Variants in C1D observed in about 807,000 individuals in gnomAD.
C1D encodes nuclear nucleic acid-binding protein C1D.
Under a neutral mutation model 17.5 loss-of-function variants are expected in C1D, and 10 were observed. The ratio of observed to expected loss-of-function variants is 0.57; its 90% confidence interval spans 0.35 to 0.97. C1D has a LOEUF of 0.97. C1D is among the 50% of genes least tolerant of loss of function. C1D has a pLI of 0.01. For missense variants in C1D, 136 were observed against 160.1 expected (o/e 0.85, Z 0.81); for synonymous variants, 49 against 54.0 (o/e 0.91, Z 0.40).
At chr2:68,062,629 G>T (rs752990467) in intron 1 of C1D, among the ~76,000 whole-genome samples, 8 of 152,106 alleles carry the variant, frequency 5.3e-5, no homozygotes, top group East Asian at 1.9e-4. Flanking sequence ...AATGTTTTTT[G>T]ATTTTTGTTT....
In C1D at chr2:68,046,406, T is replaced by A; in HGVS notation, c.143A>T (p.Asp48Val). 1 of 1,608,208 alleles carries A rather than the reference T, an allele frequency of 6.2e-7. No homozygotes were observed. The highest frequency in any genetic ancestry group is 8.5e-7 in the Non-Finnish European group (1 of 1,176,136). The change falls in exon 3 of 5, where the codon GAT (aspartate) becomes GTT (valine). Residue 48 changes from aspartate to valine, a missense_variant. By Grantham distance (152) the Asp-to-Val change is radical (BLOSUM62 -3). Coordinates refer to ENST00000410067, the MANE Select transcript of C1D (RefSeq NM_173177.3). The part of the protein sequence containing the change: ...VSRNELLQKL[D>V]PLEQAKVDLV... The stretch of plus-strand genomic sequence containing the variant: ...ATCCACTTTTGCTTGTTCAAGTGGA[T>A]CCAACTGTTAAAAAAGAAAGAGAGA...
chr2:68,062,087 G>A (rs72821830), intron 1 of C1D, among the ~76,000 whole-genome samples: 2,827 of 152,266 alleles, frequency 0.019, 41 homozygotes, highest in Non-Finnish European at 0.026. Flanking sequence ...AAGGATAAGT[G>A]CCTGAAGGGA....
chr2:68,062,588 ATTGAAAACAGC>A (rs1332175234), intron 1 of C1D, among the ~76,000 whole-genome samples: 1 of 152,230 alleles, frequency 6.6e-6, no homozygotes, highest in Non-Finnish European at 1.5e-5. Flanking sequence ...CCTAAGCAAG[ATTGAAAACAGC>A]TGAAAATTGT....
At chr2:68,049,180 G>A (rs1238659521) in intron 1 of C1D, among the ~76,000 whole-genome samples, 2 of 148,052 alleles carry the variant, frequency 1.4e-5, no homozygotes, top group African/African-American at 2.5e-5. Flanking sequence ...CTGGGCAACA[G>A]AGTTAGACTG....
intron 3 of C1D, 43 bp from the exon 4 acceptor site, chr2:68,046,086 A>G: frequency 7.6e-7 from 1 of 1,313,692 alleles, no homozygotes; most frequent in Non-Finnish European, 1.1e-6. Flanking sequence ...TGAATGTATT[A>G]ATTTAAAACA....
intron 1 of C1D, among the ~76,000 whole-genome samples, chr2:68,060,050 CCA>C: frequency 6.6e-6 from 1 of 152,308 alleles, no homozygotes; most frequent in African/African-American, 2.4e-5. Flanking sequence ...CCTGCCCCTC[CCA>C]CAGTTTTCTA....
chr2:68,059,629 A>G (rs1671562078), intron 1 of C1D, among the ~76,000 whole-genome samples: 1 of 152,172 alleles, frequency 6.6e-6, no homozygotes, highest in Non-Finnish European at 1.5e-5. Context: ...CAAAGGTGTC[A>G]ATCTTCATTT....
intron 4 of C1D, 53 bp from the exon 5 acceptor site, chr2:68,043,106 G>T: frequency 7.5e-7 from 1 of 1,340,796 alleles, no homozygotes; most frequent in Non-Finnish European, 1.0e-6. Flanking sequence ...CGCCACCACT[G>T]AATTTTATTA....
At chr2:68,050,706 C>T (rs972917841) in intron 1 of C1D, among the ~76,000 whole-genome samples, 6 of 152,188 alleles carry the variant, frequency 3.9e-5, no homozygotes, top group African/African-American at 1.4e-4. Context: ...CCCAGGTAAA[C>T]TGAGGGTTTT....
chr2:68,061,402 T>C (rs1003014729), intron 1 of C1D, among the ~76,000 whole-genome samples: 2 of 152,194 alleles, frequency 1.3e-5, no homozygotes, highest in African/African-American at 2.4e-5. Flanking sequence ...TATCCCAAAG[T>C]CTAATAGGAG....
chr2:68,054,210 T>C (rs560272375), intron 1 of C1D, among the ~76,000 whole-genome samples: 3 of 152,306 alleles, frequency 2.0e-5, no homozygotes, highest in South Asian at 2.1e-4. Flanking sequence ...AAAAATTATA[T>C]GGCTACCCTA....
Position 68,058,501 on chromosome 2 carries a change from C to G in C1D, c.-10+4457G>C, listed in dbSNP as rs376981722. ...GCGGGCAGAGAGAGTTCTCACAACT[C>G]TACGACTGGGCACTAATATTAGCTT... On this transcript the variant is annotated intron_variant, in intron 1 of 4. Coordinates refer to ENST00000410067, the MANE Select transcript of C1D (RefSeq NM_173177.3). Among the ~76,000 whole-genome samples, 22 of 152,306 alleles carry G rather than the reference C, an allele frequency of 1.4e-4. No homozygotes were observed. In the East Asian group the frequency reaches 2.9e-3, roughly 20 times the overall value.
At chr2:68,056,136 CT>C (rs1671432149) in intron 1 of C1D, among the ~76,000 whole-genome samples, 2 of 152,268 alleles carry the variant, frequency 1.3e-5, no homozygotes, top group South Asian at 4.1e-4. Flanking sequence ...CACAAAAATC[CT>C]TTTGAGACAG....
chr2:68,053,715 A>G (rs941734266), intron 1 of C1D, among the ~76,000 whole-genome samples: 2 of 152,150 alleles, frequency 1.3e-5, no homozygotes, highest in African/African-American at 4.8e-5. Flanking sequence ...TTGTCTGCCT[A>G]ACCTCATCTT....
rs115787004 is a variant in C1D, at chr2:68,052,267, T to C, written c.-9-4948A>G. Among the ~76,000 whole-genome samples the C allele has an allele frequency of 2.6e-3, 400 of 152,162 alleles. 3 individuals are homozygous for C. Among genetic ancestry groups the C allele is most frequent in the African/African-American group, 9.1e-3 (380 of 41,544 alleles). ...AGGTCTGGAAAGAACATACAAAAAA[T>C]AGACATTTTCTCTGAAAAGAGACAA... On this transcript the variant is annotated intron_variant, in intron 1 of 4. Coordinates refer to ENST00000410067, the MANE Select transcript of C1D (RefSeq NM_173177.3).
chr2:68,050,851 G>A (rs35805082), intron 1 of C1D, among the ~76,000 whole-genome samples: 4,383 of 152,238 alleles, frequency 0.029, 102 homozygotes, highest in Non-Finnish European at 0.046. Context: ...CAAACAGAAC[G>A]TGCCCAAAGC....
At chr2:68,059,442 G>A (rs750680096) in intron 1 of C1D, among the ~76,000 whole-genome samples, 19 of 152,050 alleles carry the variant, frequency 1.2e-4, no homozygotes, top group Non-Finnish European at 2.2e-4. Context: ...CACCTCAAAT[G>A]CTCCCTCCTC....
rs1558579134 is a variant in C1D, at chr2:68,042,839, G to GC, written c.*49_*50insG. ...ACAGAATTATTTTGCGGGGGGGGGG[G>GC]GGGGGGGGAAGATGTACTTTTTGAA... On this transcript the variant is annotated 3_prime_UTR_variant, in exon 5 of 5. Transcript: ENST00000410067. The GC allele has an allele frequency of 1.0e-5, 4 of 387,448 alleles. No homozygotes were observed. The South Asian group carries it at 1.1e-4, about 11-fold the overall frequency. 24.0% of individuals were successfully genotyped at this position (387,448 alleles called of 1,614,324 possible). A position where few individuals can be genotyped will look rare whatever the true frequency, so the allele number is the denominator to read the frequency against.
intron 1 of C1D, chr2:68,053,171 G>C: frequency 6.4e-7 from 1 of 1,550,490 alleles, no homozygotes; most frequent in East Asian, 2.4e-5. Flanking sequence ...GAGGGCATGA[G>C]AAAACTTGCT....
Sources: allele counts gnomAD v4.1 joint callset (sites outside exome capture counted in the v4.1 genomes callset), GRCh38; gene constraint gnomAD v4.1.1; transcripts MANE v1.5; gene names NCBI Gene and HGNC (gene_info 2026-07-23, HGNC 2026-07-21).